CSMD3: variants seen among roughly 807,000 people sequenced by gnomAD.
CSMD3 encodes CUB and sushi domain-containing protein 3.
CSMD3 carries 177 observed loss-of-function variants against 435.2 expected under a neutral mutation model. That is an observed-to-expected ratio of 0.41 (90% CI 0.36 to 0.46). The LOEUF is 0.46. CSMD3 is among the 20% of genes least tolerant of loss of function. CSMD3 has a pLI of 0.34. For synonymous variants in CSMD3, 1,656 were observed against 1,520.5 expected, an observed-to-expected ratio of 1.09 and a Z score of -2.07; for missense variants, 4,265 against 4,504.6, an observed-to-expected ratio of 0.95 and a Z score of 1.52.
intron 3 of CSMD3, among the ~76,000 whole-genome samples, chr8:113,262,178 A>G (rs2093432324): frequency 6.6e-6 from 1 of 152,198 alleles, no homozygotes; most frequent in East Asian, 1.9e-4. Context: ...TTATGATTGA[A>G]ATGTTTGTAA....
chr8:113,175,999 T>C (rs946509856), intron 3 of CSMD3, among the ~76,000 whole-genome samples: 1 of 152,074 alleles, frequency 6.6e-6, no homozygotes, highest in African/African-American at 2.4e-5. Context: ...CAAATAAATG[T>C]ATCCAGAATA....
chr8:113,348,720 C>T (rs1563730438), intron 1 of CSMD3, among the ~76,000 whole-genome samples: 1 of 151,822 alleles, frequency 6.6e-6, no homozygotes, highest in African/African-American at 2.4e-5. Context: ...AGACACAGTT[C>T]TTATTGTTGT....
chr8:113,406,530 G>A (rs1317137150), intron 1 of CSMD3, among the ~76,000 whole-genome samples: 2 of 151,980 alleles, frequency 1.3e-5, no homozygotes, highest in African/African-American at 4.8e-5. Context: ...AACGAACCTG[G>A]AGTAAAGCAA....
chr8:112,731,908 C>T (rs1455156118), intron 13 of CSMD3, among the ~76,000 whole-genome samples: 1 of 152,016 alleles, frequency 6.6e-6, no homozygotes, highest in Non-Finnish European at 1.5e-5. Context: ...GGAGTCAGTT[C>T]TATAAAGTGA....
intron 31 of CSMD3, among the ~76,000 whole-genome samples, chr8:112,490,021 A>C (rs1285023901): frequency 6.6e-6 from 1 of 152,194 alleles, no homozygotes; most frequent in African/African-American, 2.4e-5. Flanking sequence ...TGACAGAAGT[A>C]TACTAGTTAA....
intron 32 of CSMD3, among the ~76,000 whole-genome samples, chr8:112,410,676 GTATA>G (rs369954404): frequency 4.5e-5 from 2 of 44,892 alleles, no homozygotes; most frequent in Non-Finnish European, 4.7e-5. Context: ...ATATATATGT[GTATA>G]TATATATGTA....
At chr8:112,904,010 G>A (rs1209463014) in intron 10 of CSMD3, among the ~76,000 whole-genome samples, 1 of 151,248 alleles carries the variant, frequency 6.6e-6, no homozygotes, top group Non-Finnish European at 1.5e-5. Context: ...CTGTAAACTT[G>A]AGTGCCCTGG....
At chr8:113,398,741 A>T (rs2094495338) in intron 1 of CSMD3, among the ~76,000 whole-genome samples, 1 of 152,046 alleles carries the variant, frequency 6.6e-6, no homozygotes. Context: ...TTGTGTCCCT[A>T]CAGCACTTCA....
chr8:113,047,889 A>G (rs190385615), intron 5 of CSMD3, among the ~76,000 whole-genome samples: 103 of 152,252 alleles, frequency 6.8e-4, no homozygotes, highest in African/African-American at 2.4e-3. Context: ...TAACTAACAC[A>G]ATATTGTTTC....
At chr8:112,566,068 C>T (rs1399613364) in intron 24 of CSMD3, among the ~76,000 whole-genome samples, 1 of 147,524 alleles carries the variant, frequency 6.8e-6, no homozygotes, top group Non-Finnish European at 1.5e-5. Context: ...CTTACCTGGA[C>T]AGTTTTAAAA....
chr8:113,396,247 G>T (rs2133179346), intron 1 of CSMD3, among the ~76,000 whole-genome samples: 1 of 152,280 alleles, frequency 6.6e-6, no homozygotes, highest in African/African-American at 2.4e-5. Context: ...GTTCTTAGGT[G>T]AACCAGAAGA....
intron 13 of CSMD3, among the ~76,000 whole-genome samples, chr8:112,699,464 G>A (rs1032653718): frequency 6.6e-6 from 1 of 152,062 alleles, no homozygotes; most frequent in Non-Finnish European, 1.5e-5. Flanking sequence ...CAGAATAAGT[G>A]GGGAAAAAAA....
At chr8:113,029,150 C>T (rs1268321594) in intron 5 of CSMD3, among the ~76,000 whole-genome samples, 2 of 151,400 alleles carry the variant, frequency 1.3e-5, no homozygotes, top group Admixed American at 6.6e-5. Context: ...TGCCTGTACT[C>T]AAAAATAGTC....
intron 11 of CSMD3, among the ~76,000 whole-genome samples, chr8:112,851,145 T>C (rs2080472966): frequency 6.6e-6 from 1 of 152,120 alleles, no homozygotes; most frequent in Non-Finnish European, 1.5e-5. Flanking sequence ...ACATCAGTGC[T>C]CTCAAGAGCT....
intron 23 of CSMD3, among the ~76,000 whole-genome samples, chr8:112,586,077 C>T (rs573881132): frequency 2.2e-4 from 34 of 151,544 alleles, no homozygotes; most frequent in African/African-American, 6.0e-4. Context: ...TCCCCAAAGC[C>T]TATACAAATC....
At chr8:112,330,290 A>G (rs1483492419) in intron 45 of CSMD3, among the ~76,000 whole-genome samples, 1 of 152,102 alleles carries the variant, frequency 6.6e-6, no homozygotes, top group East Asian at 1.9e-4. Flanking sequence ...ATAATGAGTC[A>G]TTATGTAATC....
At chr8:112,861,678 T>G (rs2080830654) in intron 10 of CSMD3, among the ~76,000 whole-genome samples, 1 of 151,944 alleles carries the variant, frequency 6.6e-6, no homozygotes, top group African/African-American at 2.4e-5. Flanking sequence ...GAACAGCACA[T>G]TTATACAAGT....
At chr8:113,435,159 C>T (rs2094697967) in intron 1 of CSMD3, among the ~76,000 whole-genome samples, 1 of 152,148 alleles carries the variant, frequency 6.6e-6, no homozygotes, top group Admixed American at 6.5e-5. Context: ...CTGAGCCGTG[C>T]TTTGTACATT....
chr8:113,041,809 CCTA>C (rs2087629901), intron 5 of CSMD3, among the ~76,000 whole-genome samples: 1 of 152,074 alleles, frequency 6.6e-6, no homozygotes, highest in Non-Finnish European at 1.5e-5. Context: ...TTGTGTACCT[CCTA>C]CGATATACTT....
Sources: gnomAD v4.1 joint callset for allele counts (sites outside exome capture counted in the v4.1 genomes callset) on GRCh38, gnomAD v4.1.1 for gene constraint, MANE v1.5 for transcripts, NCBI Gene and HGNC (gene_info 2026-07-23, HGNC 2026-07-21) for gene names.